Variants in VPS13D observed in about 807,000 individuals in gnomAD.
VPS13D encodes the protein intermembrane lipid transfer protein VPS13D.
A neutral mutation model predicts 461.9 loss-of-function variants in VPS13D; 187 were observed. The ratio of observed to expected loss-of-function variants is 0.40; its 90% CI spans 0.36 to 0.46. VPS13D has a LOEUF of 0.46. Ranked by LOEUF, VPS13D falls within the 20% of genes least tolerant of loss-of-function variation. The pLI, the probability that VPS13D is intolerant of heterozygous loss-of-function variation, is 0.60. For missense variants in VPS13D, 4,711 were observed against 5,364.9 expected, an observed-to-expected ratio of 0.88 and a Z score of 3.81; for synonymous variants, 1,951 against 1,986.3, an observed-to-expected ratio of 0.98 and a Z score of 0.47.
At chr1:12,412,213 T>TA (rs1644738827) in intron 63 of VPS13D, among the ~76,000 whole-genome samples, 4 of 152,368 alleles carry the variant, frequency 2.6e-5, no homozygotes, top group Admixed American at 2.6e-4. Flanking sequence ...GAAGATTCGG[T>TA]AAAGTTGTCG....
intron 67 of VPS13D, among the ~76,000 whole-genome samples, chr1:12,483,866 C>T (rs1302302373): frequency 4.6e-5 from 7 of 151,972 alleles, no homozygotes; most frequent in African/African-American, 9.7e-5. Context: ...GGTGTGGTGG[C>T]GCACCCCTGT....
intron 67 of VPS13D, among the ~76,000 whole-genome samples, chr1:12,496,945 T>G (rs1645966439): frequency 6.6e-6 from 1 of 152,130 alleles, no homozygotes; most frequent in Non-Finnish European, 1.5e-5. Context: ...CCCTCACCCT[T>G]TGCCCAAGGA....
intron 50 of VPS13D, 81 bp downstream of exon 50, chr1:12,358,682 T>A (rs1643909676): frequency 1.3e-6 from 2 of 1,543,226 alleles, no homozygotes; most frequent in Admixed American, 2.0e-5. Flanking sequence ...TGGCCATGCA[T>A]TTTGGCCTGA....
At chr1:12,261,190 G>T (rs74819464) in intron 12 of VPS13D, 41 bp downstream of exon 12, 70,186 of 1,603,858 alleles carry the variant, frequency 0.044, 1,723 homozygotes, top group Non-Finnish European at 0.048. Flanking sequence ...AAACAAATTC[G>T]TCTGTTATTT....
intron 64 of VPS13D, 109 bp from the exon 65 acceptor site, chr1:12,416,551 A>G (rs1644796860): frequency 2.6e-6 from 3 of 1,166,952 alleles, no homozygotes; most frequent in Non-Finnish European, 3.6e-6. Flanking sequence ...ACTTGTAGTA[A>G]TGAGAATGGA....
chr1:12,381,952 T>TTCTTTCTG (rs1644283299), intron 57 of VPS13D, among the ~76,000 whole-genome samples: 2 of 140,576 alleles, frequency 1.4e-5, no homozygotes, highest in African/African-American at 5.5e-5. Context: ...CTTTCTTTCT[T>TTCTTTCTG]TCTTTCTTTC....
chr1:12,284,492 G>A (rs1318123700), intron 21 of VPS13D, among the ~76,000 whole-genome samples: 1 of 152,136 alleles, frequency 6.6e-6, no homozygotes, highest in Non-Finnish European at 1.5e-5. Flanking sequence ...AAAAAAGACA[G>A]CATTTGAGTT....
At chr1:12,439,769 A>C (rs1334427859) in intron 65 of VPS13D, among the ~76,000 whole-genome samples, 1 of 152,214 alleles carries the variant, frequency 6.6e-6, no homozygotes, top group African/African-American at 2.4e-5. Context: ...AGGAACAGAC[A>C]GACCCTTGGA....
intron 65 of VPS13D, among the ~76,000 whole-genome samples, chr1:12,444,054 A>C (rs1313802196): frequency 6.6e-6 from 1 of 152,128 alleles, no homozygotes; most frequent in Admixed American, 6.6e-5. Flanking sequence ...CATGTTGGCC[A>C]GGCTGGTCTT....
chr1:12,487,654 T>C (rs1436811296), intron 67 of VPS13D, among the ~76,000 whole-genome samples: 3 of 150,254 alleles, frequency 2.0e-5, no homozygotes, highest in African/African-American at 4.9e-5. Context: ...AGGTCCCCTC[T>C]GGGGGCTGGA....
chr1:12,335,909 C>G, intron 39 of VPS13D, 82 bp downstream of exon 39: 1 of 1,586,524 alleles, frequency 6.3e-7, no homozygotes, highest in South Asian at 1.1e-5. Context: ...CAAATGGAAC[C>G]ATCATTCTGC....
At chr1:12,268,248 G>A (rs1474199994) in intron 15 of VPS13D, among the ~76,000 whole-genome samples, 1 of 128,978 alleles carries the variant, frequency 7.8e-6, no homozygotes, top group Non-Finnish European at 1.6e-5. Flanking sequence ...CCATGCCTGA[G>A]CTTTTTTTTT....
At chr1:12,353,916 G>T (rs1484461276) in intron 46 of VPS13D, 58 bp from the exon 47 acceptor site, 15 of 1,559,708 alleles carry the variant, frequency 9.6e-6, no homozygotes, top group Non-Finnish European at 1.3e-5. Context: ...TAGCTAAGGA[G>T]AAAAAATTTA....
intron 65 of VPS13D, among the ~76,000 whole-genome samples, chr1:12,437,577 T>C (rs1645077768): frequency 6.6e-6 from 1 of 152,202 alleles, no homozygotes; most frequent in Non-Finnish European, 1.5e-5. Flanking sequence ...TATGGGAATG[T>C]GGTTCATGGT....
At chr1:12,451,146 C>T (rs1479477747) in intron 65 of VPS13D, among the ~76,000 whole-genome samples, 1 of 152,186 alleles carries the variant, frequency 6.6e-6, no homozygotes, top group Non-Finnish European at 1.5e-5. Context: ...TTCCCTTGCC[C>T]CATTCCAGTG....
At chr1:12,452,653 C>T (rs1015256325) in intron 65 of VPS13D, among the ~76,000 whole-genome samples, 7 of 152,246 alleles carry the variant, frequency 4.6e-5, no homozygotes, top group African/African-American at 1.7e-4. Flanking sequence ...TGGATTCAAT[C>T]CTCAGAGTGC....
intron 16 of VPS13D, among the ~76,000 whole-genome samples, chr1:12,270,686 G>T (rs542595005): frequency 7.2e-5 from 11 of 152,104 alleles, no homozygotes; most frequent in African/African-American, 2.4e-4. Flanking sequence ...ATTATGCCAG[G>T]TCATACTGGA....
intron 65 of VPS13D, among the ~76,000 whole-genome samples, chr1:12,425,277 G>C (rs1644910620): frequency 1.3e-5 from 2 of 152,108 alleles, no homozygotes; most frequent in Non-Finnish European, 2.9e-5. Flanking sequence ...CAGAAAGCAG[G>C]CCGGGCATGG....
At chr1:12,302,257 T>C (rs1220646498) in intron 25 of VPS13D, among the ~76,000 whole-genome samples, 1 of 152,238 alleles carries the variant, frequency 6.6e-6, no homozygotes, top group Non-Finnish European at 1.5e-5. Flanking sequence ...TGTATTTATT[T>C]GTGGTAAATC....
Sources: gnomAD v4.1 joint callset for allele counts (sites outside exome capture counted in the v4.1 genomes callset) on GRCh38, gnomAD v4.1.1 for gene constraint, MANE v1.5 for transcripts, NCBI Gene and HGNC (gene_info 2026-07-23, HGNC 2026-07-21) for gene names.